The following LRRC66 variants were observed in gnomAD, a reference collection of about 807,000 sequenced individuals.
LRRC66 encodes the protein leucine rich repeat containing 66.
In LRRC66, 29 loss-of-function variants were observed where a neutral mutation model predicts 24.6. The ratio of observed to expected loss-of-function variants is 1.18; its 90% CI spans 0.88 to 1.61. The LOEUF is 1.61. Ranked by LOEUF, LRRC66 falls within the 40% of genes most tolerant of loss-of-function variation. The pLI is 0.00. For missense variants in LRRC66, 1,124 were observed against 1,058.0 expected (o/e 1.06, Z -0.87); for synonymous variants, 411 against 397.6 (o/e 1.03, Z -0.40).
Position 51,995,902 on chromosome 4 carries a change from C to G in LRRC66, c.1120G>C (p.Asp374His), listed in dbSNP as rs1736300833. 6.8e-6 allele frequency: 11 copies of G among 1,614,012 alleles called. No homozygotes were observed. The highest frequency in any genetic ancestry group is 9.3e-6 in the Non-Finnish European group (11 of 1,180,040). The change falls in exon 5 of 5, where the codon GAC becomes CAC. Residue 374 changes from aspartate to histidine, a missense_variant. Physicochemically the swap from Asp to His is moderately conservative, Grantham distance 81. Coordinates refer to ENST00000682860, the MANE Select transcript of LRRC66 (RefSeq NM_001024611.3). Reference sequence around the variant, plus strand: ...GACAGGCACACCGCCAGAGCCAGGTCCTGGGGAGCGTCCTCTTTTTTGCCG... The same window carrying G: ...GACAGGCACACCGCCAGAGCCAGGTGCTGGGGAGCGTCCTCTTTTTTGCCG... ...AAGKKEDAPQDLALAVCLSVF... is the reference protein window; with the variant it reads ...AAGKKEDAPQHLALAVCLSVF...
chr4:52,018,923 C>T (rs1736881364), intron 1 of LRRC66, among the ~76,000 whole-genome samples: 1 of 152,216 alleles, frequency 6.6e-6, no homozygotes, highest in South Asian at 2.1e-4. Context: ...GTTACCCAGG[C>T]TGGAGTGCAA....
At chr4:52,018,304 T>C in intron 1 of LRRC66, 10 of 985,056 alleles carry the variant, frequency 1.0e-5, no homozygotes, top group Non-Finnish European at 1.1e-5. Flanking sequence ...CCAAACATTT[T>C]TGAGAAAAAA....
Position 51,995,815 on chromosome 4 carries a change from T to TGTCA in LRRC66, c.1203_1206dup (p.Arg403Ter). The TGTCA allele has an allele frequency of 6.2e-7, 1 of 1,614,162 alleles. No homozygotes were observed. Among genetic ancestry groups the TGTCA allele is most frequent in the Non-Finnish European group, 8.5e-7 (1 of 1,180,014 alleles). Reference sequence around the variant, plus strand: ...CTCTGGCACTTTTTTTGCCACAGTCTGTCAACATAAGGCCTTGTGAAAGCC... The same window carrying TGTCA: ...CTCTGGCACTTTTTTTGCCACAGTCTGTCAGTCAACATAAGGCCTTGTGAAAGCC... On this transcript the variant is annotated stop_gained and frameshift_variant, in exon 5 of 5. Transcript: ENST00000682860. LOFTEE classifies it low-confidence loss of function (END_TRUNC).
chr4:52,004,452 TG>T (rs1243015184), intron 2 of LRRC66, among the ~76,000 whole-genome samples: 7 of 152,244 alleles, frequency 4.6e-5, no homozygotes, highest in African/African-American at 1.7e-4. Flanking sequence ...AATTGAATTT[TG>T]GTCTCTGCCT....
At chr4:52,018,646 T>G in intron 1 of LRRC66, 4 of 948,578 alleles carry the variant, frequency 4.2e-6, no homozygotes, top group Non-Finnish European at 5.0e-6. Flanking sequence ...ATAACGTATT[T>G]CCTATATTAT....
chr4:52,008,301 T>C (rs571263428), intron 2 of LRRC66, among the ~76,000 whole-genome samples: 15 of 152,186 alleles, frequency 9.9e-5, no homozygotes, highest in Non-Finnish European at 1.9e-4. Flanking sequence ...AGAGATCTGC[T>C]GCAAACATTA....
intron 2 of LRRC66, among the ~76,000 whole-genome samples, chr4:52,008,489 A>C (rs1393085958): frequency 2.0e-5 from 3 of 152,062 alleles, no homozygotes; most frequent in African/African-American, 7.2e-5. Flanking sequence ...GAAATTATAA[A>C]GGAAAATATT....
At chr4:52,020,073 T>C (rs956131176) in intron 1 of LRRC66, among the ~76,000 whole-genome samples, 5 of 151,868 alleles carry the variant, frequency 3.3e-5, no homozygotes, top group Admixed American at 6.6e-5. Flanking sequence ...AAAATGGAAA[T>C]AGTCAAGCTG....
chr4:52,008,363 T>C (rs986791481), intron 2 of LRRC66, among the ~76,000 whole-genome samples: 3 of 152,132 alleles, frequency 2.0e-5, no homozygotes, highest in Non-Finnish European at 4.4e-5. Context: ...AAGTATAATA[T>C]GCCTGAAAAA....
chr4:52,004,841 A>G (rs1338401459), intron 2 of LRRC66, among the ~76,000 whole-genome samples: 1 of 152,248 alleles, frequency 6.6e-6, no homozygotes, highest in Non-Finnish European at 1.5e-5. Context: ...CGACGAATCA[A>G]TCAAAACATT....
chr4:52,015,350 A>C (rs930554543), intron 2 of LRRC66, among the ~76,000 whole-genome samples: 1 of 152,160 alleles, frequency 6.6e-6, no homozygotes, highest in African/African-American at 2.4e-5. Flanking sequence ...AGGGAGAAGA[A>C]ATTTTCTCCA....
Position 51,994,665 on chromosome 4 carries a change from T to G in LRRC66, c.2357A>C (p.Tyr786Ser). 2 of 1,614,176 alleles carry G rather than the reference T, an allele frequency of 1.2e-6. No homozygotes were observed. The highest frequency in any genetic ancestry group is 1.7e-6 in the Non-Finnish European group (2 of 1,180,018). Residue 786 changes from tyrosine to serine, a missense_variant, in exon 5 of 5, where the codon TAC becomes TCC. Transcript: ENST00000682860. ...AGAGGCATTTTCCAGATGAGTCTTG[T>G]ACATGCCAGAGTCTGGAGCAGAAAT... ...PLISAPDSGM[Y>S]KTHLENASDT... is the part of the protein sequence containing the mutation.
At chr4:52,005,982 C>T (rs1274959540) in intron 2 of LRRC66, among the ~76,000 whole-genome samples, 1 of 152,208 alleles carries the variant, frequency 6.6e-6, no homozygotes, top group East Asian at 1.9e-4. Flanking sequence ...AAATAAGACA[C>T]CAATATGAAA....
chr4:52,000,670 G>C (rs1027640596), intron 3 of LRRC66, among the ~76,000 whole-genome samples: 1 of 152,242 alleles, frequency 6.6e-6, no homozygotes, highest in Non-Finnish European at 1.5e-5. Flanking sequence ...GCACAGAACT[G>C]AAGGCAGGCT....
At chr4:52,003,587 G>T (rs1338679129) in intron 2 of LRRC66, among the ~76,000 whole-genome samples, 195 bp from the exon 3 acceptor site, 1 of 152,136 alleles carries the variant, frequency 6.6e-6, no homozygotes, top group African/African-American at 2.4e-5. Flanking sequence ...TAAACTGACT[G>T]AACTGGAAGA....
chr4:52,011,993 T>C (rs1164702932), intron 2 of LRRC66, among the ~76,000 whole-genome samples: 1 of 152,108 alleles, frequency 6.6e-6, no homozygotes, highest in African/African-American at 2.4e-5. Flanking sequence ...AAAACCAGCC[T>C]GGCCAATATG....
In LRRC66 at chr4:51,997,748, C is replaced by A. The variant is rs570531379; in HGVS notation, c.856G>T (p.Gly286Trp). The A allele has an allele frequency of 6.2e-7, 1 of 1,613,380 alleles. No homozygotes were observed. Among genetic ancestry groups the A allele is most frequent in the South Asian group, 1.1e-5 (1 of 90,990 alleles). Reference sequence around the variant, plus strand: ...TTTCAGAGAGACATTACTGACTTACCTATAGACCTGTTGCAAATGACATTC... The same window carrying A: ...TTTCAGAGAGACATTACTGACTTACATATAGACCTGTTGCAAATGACATTC... ...KWNVICNRSI[G>W]SEEANGGTPQ... The change falls in exon 4 of 5, where the codon GGG becomes TGG. Residue 286 changes from glycine to tryptophan, a missense_variant and splice_region_variant. Gly to Trp is a radical substitution (Grantham distance 184). Transcript: ENST00000682860.
chr4:52,018,576 C>T (rs1311788754), intron 1 of LRRC66: 23 of 985,294 alleles, frequency 2.3e-5, no homozygotes, highest in African/African-American at 5.2e-5. Context: ...TTGCCTCTGC[C>T]TCTTGACTTT....
chr4:52,006,322 T>C (rs369393488), intron 2 of LRRC66, among the ~76,000 whole-genome samples: 10,771 of 151,760 alleles, frequency 0.071, 519 homozygotes, highest in Middle Eastern at 0.11. Flanking sequence ...CAATGATAGA[T>C]TGGATTAAGA....
Sources: allele counts gnomAD v4.1 joint callset (sites outside exome capture counted in the v4.1 genomes callset), GRCh38; gene constraint gnomAD v4.1.1; transcripts MANE v1.5; gene names NCBI Gene and HGNC (gene_info 2026-07-23, HGNC 2026-07-21).